Variants in ZFP64 observed in about 807,000 individuals in gnomAD.
The protein encoded by ZFP64 is ZFP64 zinc finger protein, also known as zinc finger protein 64.
In ZFP64, 14 loss-of-function variants were observed where a neutral mutation model predicts 51.6. That is an observed-to-expected ratio of 0.27 (90% confidence interval 0.18 to 0.42). The LOEUF (loss-of-function observed/expected upper bound fraction) is 0.42, where lower values mean the gene tolerates loss of function less well. ZFP64 is among the 10% of genes least tolerant of loss of function. ZFP64 has a pLI of 1.00. For synonymous variants in ZFP64, 375 were observed against 361.4 expected (o/e 1.04, Z -0.43); for missense variants, 754 against 906.8 (o/e 0.83, Z 2.16).
intron 8 of ZFP64, among the ~76,000 whole-genome samples, chr20:52,086,948 A>G (rs1447424502): frequency 6.6e-6 from 1 of 152,172 alleles, no homozygotes. Context: ...TTCCTTTGCT[A>G]GAGTTTATCT....
At chr20:52,096,772 C>T (rs6096752) in intron 7 of ZFP64, 45,974 of 197,814 alleles carry the variant, frequency 0.23, 7,289 homozygotes, top group African/African-American at 0.49. Context: ...GCCTGTAATC[C>T]TAGCTATTCA....
intron 2 of ZFP64, among the ~76,000 whole-genome samples, chr20:52,178,685 C>T (rs991069277): frequency 2.0e-5 from 3 of 152,038 alleles, no homozygotes; most frequent in African/African-American, 7.3e-5. Flanking sequence ...TCCCCCACCC[C>T]CTCCAAACCA....
At chr20:52,116,603 T>G (rs1978886293) in intron 5 of ZFP64, among the ~76,000 whole-genome samples, 2 of 152,180 alleles carry the variant, frequency 1.3e-5, no homozygotes, top group Non-Finnish European at 2.9e-5. Flanking sequence ...GGAATATTTT[T>G]TATGATATAT....
intron 2 of ZFP64, among the ~76,000 whole-genome samples, chr20:52,184,521 A>G (rs1983826336): frequency 6.6e-6 from 1 of 152,166 alleles, no homozygotes; most frequent in South Asian, 2.1e-4. Context: ...TTTTATACTT[A>G]CCTTGAGAAT....
chr20:52,162,303 G>GA lies in ZFP64; in HGVS notation c.512-1930dup, dbSNP rs944826558. Among the ~76,000 whole-genome samples the GA allele has an allele frequency of 6.1e-3, 838 of 137,402 alleles. 7 individuals carry two copies. The highest frequency in any genetic ancestry group is 0.02 in the African/African-American group (747 of 37,038). 90.1% of individuals were successfully genotyped at this position (137,402 alleles called of 152,430 possible). On this transcript the variant is annotated intron_variant, in intron 4 of 5. Coordinates refer to ENST00000216923, the MANE Select transcript of ZFP64 (RefSeq NM_018197.3). ...ACAGAGTGAGACTCCATCTCAAAAG[G>GA]AAAAAAAAAAATTAGCATTTTTATT...
intron 2 of ZFP64, among the ~76,000 whole-genome samples, chr20:52,181,415 C>T (rs1983605699): frequency 6.6e-6 from 1 of 152,192 alleles, no homozygotes; most frequent in Non-Finnish European, 1.5e-5. Flanking sequence ...TTTCCATGAG[C>T]ATCCACATGT....
At chr20:52,142,839 C>CAAAAAAAAAAAA (rs386393987) in intron 5 of ZFP64, among the ~76,000 whole-genome samples, 11 of 55,044 alleles carry the variant, frequency 2.0e-4, no homozygotes, top group Admixed American at 2.7e-4. Flanking sequence ...GACTCCATCT[C>CAAAAAAAAAAAA]AAAAAAAAAA....
chr20:52,101,402 C>T (rs946450009), intron 5 of ZFP64, among the ~76,000 whole-genome samples: 18 of 152,108 alleles, frequency 1.2e-4, no homozygotes, highest in South Asian at 4.1e-4. Flanking sequence ...GACAAGGTCT[C>T]GCTGTCACCC....
At chr20:52,164,635 C>A in intron 4 of ZFP64, 60 bp downstream of exon 4, 1 of 1,400,546 alleles carries the variant, frequency 7.1e-7, no homozygotes, top group Non-Finnish European at 1.0e-6. Context: ...CTATGTGGAT[C>A]CCCATCTCCT....
chr20:52,117,827 G>C, intron 5 of ZFP64: 2 of 391,320 alleles, frequency 5.1e-6, no homozygotes, highest in Non-Finnish European at 1.0e-5. Context: ...CCCTCTGCTT[G>C]TTCTGTCACT....
At chr20:52,125,740 T>G (rs1979416815) in intron 5 of ZFP64, among the ~76,000 whole-genome samples, 1 of 152,144 alleles carries the variant, frequency 6.6e-6, no homozygotes, top group Admixed American at 6.6e-5. Flanking sequence ...AGGTTGGACC[T>G]GAGCAGCCCT....
At position 52,165,905 on chromosome 20, in the gene ZFP64, G is replaced by C. The variant is rs764853751; in HGVS notation, c.407C>G (p.Thr136Arg). Residue 136 changes from threonine to arginine, a missense_variant, in exon 3 of 6, where the codon ACA becomes AGA. By Grantham distance (71) the Thr-to-Arg change is moderately conservative. This residue lies in a region of ZFP64 where 231 missense variants were observed against 336.7 expected (regional missense o/e 0.69). Transcript: ENST00000216923. ...LPAKSRTKKP[T>R]TPPAQKRLNC... ...AAGCCTTTTCTGAGCAGGTGGTGTT[G>C]TGGGCTTTTTGGTGCGTGACTTGGC... is the stretch of plus-strand genomic sequence containing the variant. The C allele has an allele frequency of 2.5e-6, 4 of 1,614,158 alleles. No homozygotes were observed. In the South Asian group the frequency reaches 4.4e-5, roughly 18 times the overall value.
chr20:52,166,164 AC>A, intron 2 of ZFP64, 139 bp from the exon 3 acceptor site: 2 of 687,308 alleles, frequency 2.9e-6, no homozygotes, highest in Non-Finnish European at 4.3e-6. Flanking sequence ...TGATCATGTG[AC>A]CCAGTTCTAG....
At chr20:52,103,770 T>C (rs1395097317) in intron 5 of ZFP64, among the ~76,000 whole-genome samples, 1 of 152,232 alleles carries the variant, frequency 6.6e-6, no homozygotes, top group Non-Finnish European at 1.5e-5. Flanking sequence ...AAGTCTCACC[T>C]GCCTATCTCC....
chr20:52,126,958 AT>A (rs879661790), intron 5 of ZFP64, among the ~76,000 whole-genome samples: 2,777 of 139,492 alleles, frequency 0.02, 64 homozygotes, highest in African/African-American at 0.064. Flanking sequence ...CTTTGTCAGA[AT>A]TTTTTTTTTT....
intron 5 of ZFP64, chr20:52,104,610 G>A (rs1340421444): frequency 1.1e-5 from 5 of 447,138 alleles, no homozygotes; most frequent in African/African-American, 6.1e-5. Flanking sequence ...CTGGGTCCCT[G>A]CGCTTCTGTT....
chr20:52,187,177 G>A, intron 1 of ZFP64, 106 bp from the exon 2 acceptor site: 1 of 1,272,830 alleles, frequency 7.9e-7, no homozygotes, highest in Non-Finnish European at 1.1e-6. Context: ...AGACATGGCT[G>A]GGTAGTGGCC....
chr20:52,139,854 T>TC (rs1252991510), intron 5 of ZFP64, among the ~76,000 whole-genome samples: 1 of 151,330 alleles, frequency 6.6e-6, no homozygotes, highest in Non-Finnish European at 1.5e-5. Context: ...AGTTGTTTTT[T>TC]TTTTTTTTTT....
intron 5 of ZFP64, among the ~76,000 whole-genome samples, chr20:52,157,413 C>T (rs529141377): frequency 6.6e-6 from 1 of 152,286 alleles, no homozygotes; most frequent in South Asian, 2.1e-4. Flanking sequence ...AGGTAAAAGA[C>T]CTCCAGCTTT....
Sources: allele counts gnomAD v4.1 joint callset (sites outside exome capture counted in the v4.1 genomes callset), GRCh38; gene constraint gnomAD v4.1.1; regional missense constraint gnomAD v4.1.1; transcripts MANE v1.5; gene names NCBI Gene and HGNC (gene_info 2026-07-23, HGNC 2026-07-21).